The following DVL2 variants were observed in gnomAD, a reference collection of about 807,000 sequenced individuals.
The protein encoded by DVL2 is dishevelled segment polarity protein 2.
DVL2 carries 38 observed loss-of-function variants against 69.8 expected under a neutral mutation model. That is an observed-to-expected ratio of 0.54 (90% CI 0.42 to 0.71). The LOEUF is 0.71. Ranked by LOEUF, DVL2 falls within the 30% of genes least tolerant of loss-of-function variation. DVL2 has a pLI of 0.00. For synonymous variants in DVL2, 428 were observed against 392.4 expected (o/e 1.09, Z -1.07); for missense variants, 931 against 1,008.1 (o/e 0.92, Z 1.04).
rs1345077006 is a variant in DVL2, at chr17:7,227,130, G to A, written c.1503C>T (p.Cys501=). Residue 501 remains cysteine, a synonymous_variant, in exon 13 of 15, where the codon TGC becomes TGT. Transcript: ENST00000005340. ...CACTGAGGTCTCCGAAGACGTAATAGCACTGCTCAGAGAAGGTGATCTTGT... is the reference window on the plus strand; with the variant it reads ...CACTGAGGTCTCCGAAGACGTAATAACACTGCTCAGAGAAGGTGATCTTGT... The part of the protein sequence containing the change: ...TVNKITFSEQ[C]YYVFGDLSGG... 1.3e-5 allele frequency: 21 copies of A among 1,613,934 alleles called. No homozygotes were observed. Among genetic ancestry groups the A allele is most frequent in the Non-Finnish European group, 1.7e-5 (20 of 1,179,960 alleles).
chr17:7,233,053 G>A (rs1224230087), intron 1 of DVL2, among the ~76,000 whole-genome samples: 1 of 129,570 alleles, frequency 7.7e-6, no homozygotes, highest in Admixed American at 9.0e-5. Context: ...ATGCGCCACT[G>A]CACTCCAGCC....
rs1384537413 is a variant in DVL2, at chr17:7,227,961, C to T, written c.1102+16G>A. The T allele has an allele frequency of 1.9e-6, 3 of 1,575,758 alleles. No individual in the cohort carries two copies. The Admixed American group carries it at 5.3e-5, about 28-fold the overall frequency. ...CCCCACCCCCAACTTCAGGCCCCTC[C>T]CTGAGTGTCACTCACTTCGGGGGAG... On this transcript the variant is annotated intron_variant, in intron 10 of 14. Coordinates refer to ENST00000005340, the MANE Select transcript of DVL2 (RefSeq NM_004422.3).
intron 1 of DVL2, 29 bp downstream of exon 1, chr17:7,234,040 C>A (rs1331024892): frequency 6.2e-7 from 1 of 1,611,568 alleles, no homozygotes; most frequent in Non-Finnish European, 8.5e-7. Flanking sequence ...GCAAAGCCCC[C>A]GCCGGTCCTA....
At position 7,229,475 on chromosome 17, in the gene DVL2, C is replaced by T. The variant is rs1276785231; in HGVS notation, c.748-28G>A. On this transcript the variant is annotated intron_variant, in intron 6 of 14. Transcript: ENST00000005340. The surrounding 1 kb of genome is among the most constrained non-coding windows in gnomAD (Gnocchi z 4.4). Reference sequence around the variant, plus strand: ...GTGGTGGGAAAAGGAGCCAGAGTGCCCTTCAATAACCCAGGGTCAACCCTG... The same window carrying T: ...GTGGTGGGAAAAGGAGCCAGAGTGCTCTTCAATAACCCAGGGTCAACCCTG... 6.2e-7 allele frequency: 1 copy of T among 1,613,970 alleles called. No homozygotes were observed. The highest frequency in any genetic ancestry group is 1.1e-5 in the South Asian group (1 of 91,086).
intron 1 of DVL2, among the ~76,000 whole-genome samples, chr17:7,232,856 G>A (rs1284788626): frequency 6.6e-6 from 1 of 152,154 alleles, no homozygotes; most frequent in Non-Finnish European, 1.5e-5. Flanking sequence ...TTGGGAGGCT[G>A]AGGCGGGCGA....
At chr17:7,230,527 G>A (rs2071527310) in intron 2 of DVL2, 97 bp from the exon 3 acceptor site, 6 of 1,512,818 alleles carry the variant, frequency 4.0e-6, no homozygotes, top group Admixed American at 3.9e-5. Context: ...CAGAGAGCTG[G>A]AGAAGAGCAA....
Position 7,225,418 on chromosome 17 carries a change from G to A in DVL2, c.*447C>T. The A allele has an allele frequency of 2.2e-6, 1 of 454,592 alleles. No individual in the cohort carries two copies. The highest frequency in any genetic ancestry group is 4.0e-6 in the Non-Finnish European group (1 of 248,886). The allele number at this position is 454,592 out of a possible 1,614,324, so 28.2% of individuals were successfully genotyped here. A position where few individuals can be genotyped will look rare whatever the true frequency, so the allele number is the denominator to read the frequency against. On this transcript the variant is annotated 3_prime_UTR_variant, in exon 15 of 15. Transcript: ENST00000005340. ...ATAGAGTAACAAAGGCAGCTACATGGCCCAAATCTCCCAGCTTCCTCAGGC... is the reference window on the plus strand; with the variant it reads ...ATAGAGTAACAAAGGCAGCTACATGACCCAAATCTCCCAGCTTCCTCAGGC...
intron 13 of DVL2, chr17:7,226,844 G>A (rs892884369): frequency 1.1e-5 from 7 of 624,122 alleles, no homozygotes; most frequent in South Asian, 6.4e-5. Flanking sequence ...ACGTCTTTGC[G>A]GGACTCAGGT....
In DVL2 at chr17:7,226,009, T is replaced by C. The variant is rs1402496956; in HGVS notation, c.2067A>G (p.Pro689=). Residue 689 remains proline (P), a synonymous_variant, in exon 15 of 15, where the codon CCA becomes CCG. Transcript: ENST00000005340. ...GCTGCACTGCTGGAGGGACTGGAGG[T>C]GGAGGTGGGGGCATCATGACCACCA... ...PMMVVMMPPP[P]PPVPPAVQPP... 6.2e-7 allele frequency: 1 copy of C among 1,612,802 alleles called. No homozygotes were observed. The highest frequency in any genetic ancestry group is 8.5e-7 in the Non-Finnish European group (1 of 1,179,616).
At chr17:7,228,168 G>A (rs1026419544) in intron 9 of DVL2, 124 bp from the exon 10 acceptor site, 6 of 772,312 alleles carry the variant, frequency 7.8e-6, no homozygotes, top group East Asian at 5.3e-5. Flanking sequence ...TCGCGGCTGG[G>A]CTAGAGAAGG....
chr17:7,230,474 G>A (rs1329059482), intron 2 of DVL2, 44 bp from the exon 3 acceptor site: 5 of 1,604,564 alleles, frequency 3.1e-6, no homozygotes, highest in Admixed American at 1.7e-5. Flanking sequence ...TTGGGAGTCA[G>A]GGTGTGACAG....
At position 7,227,225 on chromosome 17, in the gene DVL2, G is replaced by A. The variant is rs1330458797; in HGVS notation, c.1408C>T (p.Pro470Ser). ...DWLYHHVEGF[P>S]ERREARKYAS... ...TACTTGCGGGCCTCCCGCCGCTCAGGAAAGCCCTCCACGTGATGGTAGAGC... is the reference window on the plus strand; with the variant it reads ...TACTTGCGGGCCTCCCGCCGCTCAGAAAAGCCCTCCACGTGATGGTAGAGC... Residue 470 changes from proline (P) to serine (S), a missense_variant, in exon 13 of 15, where the codon CCT becomes TCT. Coordinates refer to ENST00000005340, the MANE Select transcript of DVL2 (RefSeq NM_004422.3). 1.2e-6 allele frequency: 2 copies of A among 1,613,750 alleles called. No individual in the cohort carries two copies. Among genetic ancestry groups the A allele is most frequent in the Non-Finnish European group, 1.7e-6 (2 of 1,179,830 alleles).
chr17:7,226,550 AG>A lies in DVL2; in HGVS notation c.1632del (p.Trp545GlyfsTer136). 2 of 1,608,924 alleles carry A rather than the reference AG, an allele frequency of 1.2e-6. No individual in the cohort carries two copies. Among genetic ancestry groups the A allele is most frequent in the Non-Finnish European group, 8.5e-7 (1 of 1,177,750 alleles). On this transcript the variant is annotated frameshift_variant, in exon 14 of 15. Coordinates refer to ENST00000005340, the MANE Select transcript of DVL2 (RefSeq NM_004422.3). LOFTEE classifies it high-confidence loss of function. ...TAGGAGAAAGTGGGCAGCAGGGGCC[AG>A]GGGGTGGCCCCAGGCAGAGGAGCCA... ...DTLAPLPGAT[P>X]WPLLPTFSYQ... is the part of the protein sequence containing the mutation.
In DVL2 at chr17:7,225,820, A is replaced by AG; in HGVS notation, c.*44dup. On this transcript the variant is annotated 3_prime_UTR_variant, in exon 15 of 15. Transcript: ENST00000005340. ...CAAGCACATGACGGCCAGGACACCCAGTCACACACCAGGAGCGCCCGGCCC... is the reference window on the plus strand; with the variant it reads ...CAAGCACATGACGGCCAGGACACCCAGGTCACACACCAGGAGCGCCCGGCCC... The AG allele has an allele frequency of 6.5e-7, 1 of 1,533,376 alleles. No homozygotes were observed. The highest frequency in any genetic ancestry group is 9.0e-7 in the Non-Finnish European group (1 of 1,108,914). The allele number at this position is 1,533,376 out of a possible 1,614,324, so 95.0% of individuals were successfully genotyped here.
At position 7,227,635 on chromosome 17, in the gene DVL2, G is replaced by A; in HGVS notation, c.1231+20C>T. The A allele has an allele frequency of 1.2e-6, 2 of 1,614,218 alleles. No individual in the cohort carries two copies. The highest frequency in any genetic ancestry group is 1.7e-6 in the Non-Finnish European group (2 of 1,180,040). ...CAGCCTTCTGCTGGGAGGGTGGGAT[G>A]AGGTGGGCTGGCGGCTCACCATCAG... On this transcript the variant is annotated intron_variant, in intron 11 of 14. Coordinates refer to ENST00000005340, the MANE Select transcript of DVL2 (RefSeq NM_004422.3).
intron 1 of DVL2, among the ~76,000 whole-genome samples, chr17:7,232,586 C>A (rs955833647): frequency 6.6e-6 from 1 of 152,220 alleles, no homozygotes; most frequent in Admixed American, 6.5e-5. Context: ...GTGATTTTCT[C>A]CATGTCACAG....
At position 7,226,348 on chromosome 17, in the gene DVL2, C is replaced by T. The variant is rs2071447232; in HGVS notation, c.1763-35G>A. 7 of 1,537,426 alleles carry T rather than the reference C, an allele frequency of 4.6e-6. No individual in the cohort carries two copies. The South Asian group carries it at 6.4e-5, about 14-fold the overall frequency. The stretch of plus-strand genomic sequence containing the variant: ...GAGGGGAGGGGCAACTGAGTCCTCA[C>T]CCAGGCTCCTCCCTGGCTCCCCTCT... On this transcript the variant is annotated intron_variant, in intron 14 of 14. Coordinates refer to ENST00000005340, the MANE Select transcript of DVL2 (RefSeq NM_004422.3).
At chr17:7,232,813 G>C (rs1218102086) in intron 1 of DVL2, among the ~76,000 whole-genome samples, 1 of 152,136 alleles carries the variant, frequency 6.6e-6, no homozygotes, top group Non-Finnish European at 1.5e-5. Flanking sequence ...GGTTGGGCCG[G>C]GCGCGGTGGC....
At chr17:7,227,027 G>C (rs1364749453) in intron 13 of DVL2, 63 bp downstream of exon 13, 1 of 1,516,352 alleles carries the variant, frequency 6.6e-7, no homozygotes, top group African/African-American at 1.4e-5. Context: ...CTAGGTCTAG[G>C]GTTGGAGAGG....
Sources: allele counts gnomAD v4.1 joint callset (sites outside exome capture counted in the v4.1 genomes callset), GRCh38; gene constraint gnomAD v4.1.1; non-coding constraint Gnocchi (gnomAD v3.1); transcripts MANE v1.5; gene names NCBI Gene and HGNC (gene_info 2026-07-23, HGNC 2026-07-21).